The following CCDC149 variants were observed in gnomAD, a reference collection of about 807,000 sequenced individuals.
CCDC149 encodes the protein coiled-coil domain-containing protein 149.
A neutral mutation model predicts 59.9 loss-of-function variants in CCDC149; 45 were observed. The ratio of observed to expected loss-of-function variants is 0.75; its 90% CI spans 0.59 to 0.96. The LOEUF is 0.96. CCDC149 is among the 40% of genes least tolerant of loss of function. The probability of loss-of-function intolerance (pLI) is 0.00; values close to 1 mark genes in which losing one functional copy is unlikely to be tolerated. For missense variants in CCDC149, 584 were observed against 664.7 expected (o/e 0.88, Z 1.33); for synonymous variants, 245 against 260.6 (o/e 0.94, Z 0.58).
At chr4:24,952,888 T>C (rs1723357875) in intron 1 of CCDC149, among the ~76,000 whole-genome samples, 1 of 151,832 alleles carries the variant, frequency 6.6e-6, no homozygotes, top group African/African-American at 2.4e-5. Flanking sequence ...TTTCTATAAA[T>C]TTGGCTACTT....
At chr4:24,969,863 C>A (rs1174441448) in intron 1 of CCDC149, among the ~76,000 whole-genome samples, 1 of 152,220 alleles carries the variant, frequency 6.6e-6, no homozygotes, top group Non-Finnish European at 1.5e-5. Flanking sequence ...TGGGGGAGGG[C>A]CTACAGTGTG....
chr4:24,965,078 T>C (rs1241111536), intron 1 of CCDC149, among the ~76,000 whole-genome samples: 1 of 151,256 alleles, frequency 6.6e-6, no homozygotes, highest in Non-Finnish European at 1.5e-5. Flanking sequence ...AAGAAAATGA[T>C]AATAGAAGAC....
chr4:24,848,709 GA>G (rs370612834), intron 4 of CCDC149, among the ~76,000 whole-genome samples: 57 of 150,034 alleles, frequency 3.8e-4, no homozygotes, highest in East Asian at 3.7e-3. Context: ...TCGACTTAAG[GA>G]AAAAAAAAAT....
intron 4 of CCDC149, among the ~76,000 whole-genome samples, chr4:24,845,414 T>TA (rs1717224462): frequency 1.3e-5 from 2 of 152,232 alleles, no homozygotes; most frequent in African/African-American, 4.8e-5. Flanking sequence ...TTTAGTTTTT[T>TA]ACTTAGCACG....
intron 2 of CCDC149, among the ~76,000 whole-genome samples, chr4:24,875,044 C>T (rs1719322985): frequency 1.3e-5 from 2 of 152,188 alleles, no homozygotes; most frequent in Admixed American, 6.5e-5. Flanking sequence ...CACGGTGGCT[C>T]ATGCCTGTAA....
chr4:24,848,335 C>T (rs1717440532), intron 4 of CCDC149, among the ~76,000 whole-genome samples: 2 of 152,190 alleles, frequency 1.3e-5, no homozygotes, highest in Admixed American at 1.3e-4. Flanking sequence ...CTTTGGGATG[C>T]CGAGGTGGGT....
At chr4:24,839,281 G>A (rs537577714) in intron 4 of CCDC149, among the ~76,000 whole-genome samples, 4 of 151,636 alleles carry the variant, frequency 2.6e-5, no homozygotes, top group South Asian at 4.2e-4. Flanking sequence ...CTGGGTTCAC[G>A]CCATCCTCCT....
At chr4:24,949,437 A>AGGGGGGGG (rs1723210826) in intron 1 of CCDC149, among the ~76,000 whole-genome samples, 3 of 132,370 alleles carry the variant, frequency 2.3e-5, no homozygotes, top group African/African-American at 2.9e-5. Context: ...TAGTGGTGGC[A>AGGGGGGGG]GGGAGGGGGG....
intron 3 of CCDC149, among the ~76,000 whole-genome samples, chr4:24,867,879 GAA>G (rs1168909246): frequency 6.6e-6 from 1 of 152,200 alleles, no homozygotes; most frequent in South Asian, 2.1e-4. Context: ...GTCAAGAAAC[GAA>G]AGTCACAGCT....
rs1003768853 is a variant in CCDC149, at chr4:24,912,752, C to A, written c.63+65G>T. ...CCTCCCAGCTCGGCCTCTCTGGGGG[C>A]GCGGGCCCGGGGCTGGCGGCCGCTC... is the stretch of plus-strand genomic sequence containing the variant. On this transcript the variant is annotated intron_variant, in intron 1 of 12. Transcript: ENST00000635206. 6 of 1,134,888 alleles carry A rather than the reference C, an allele frequency of 5.3e-6. No individual in the cohort carries two copies. In the Admixed American group the frequency reaches 1.9e-4, roughly 36 times the overall value. 70.3% of individuals were successfully genotyped at this position (1,134,888 alleles called of 1,614,324 possible).
At chr4:24,812,378 C>G (rs1714674202) in intron 12 of CCDC149, among the ~76,000 whole-genome samples, 1 of 152,202 alleles carries the variant, frequency 6.6e-6, no homozygotes, top group African/African-American at 2.4e-5. Flanking sequence ...ATCACATGAC[C>G]TTAATTCCTG....
chr4:24,866,244 A>G (rs1036549471), intron 3 of CCDC149, among the ~76,000 whole-genome samples: 15 of 152,260 alleles, frequency 9.9e-5, no homozygotes, highest in African/African-American at 3.6e-4. Context: ...ACTTTTTAGA[A>G]GCAAGAAGGC....
chr4:24,901,319 C>G (rs1403601653), intron 1 of CCDC149, among the ~76,000 whole-genome samples: 1 of 56,666 alleles, frequency 1.8e-5, no homozygotes, highest in Non-Finnish European at 7.1e-5. Flanking sequence ...TACTAAAGCC[C>G]CAGTATGGTT....
chr4:24,975,907 G>A (rs139967105), intron 1 of CCDC149, among the ~76,000 whole-genome samples: 3 of 151,808 alleles, frequency 2.0e-5, no homozygotes, highest in African/African-American at 7.3e-5. Flanking sequence ...GAAGGGCAAA[G>A]TCTGTGTTCC....
downstream of CCDC149, among the ~76,000 whole-genome samples, chr4:24,805,346 C>T (rs1258946021): frequency 6.6e-6 from 1 of 152,186 alleles, no homozygotes; most frequent in Non-Finnish European, 1.5e-5. Flanking sequence ...CAGAAAGATG[C>T]CAGGGAGGGG....
rs964401558 is a variant in CCDC149, at chr4:24,808,306, G to A, written c.*83C>T. ...ACTCGGAGGTATTTCAGGAGAAGGC[G>A]ACGTGAGCGCACCATTCCGATGCTT... is the stretch of plus-strand genomic sequence containing the variant. On this transcript the variant is annotated 3_prime_UTR_variant, in exon 13 of 13. Transcript: ENST00000635206. The A allele has an allele frequency of 2.0e-5, 25 of 1,271,056 alleles. No individual in the cohort carries two copies. The highest frequency in any genetic ancestry group is 3.5e-5 in the Admixed American group (1 of 28,730). The allele number at this position is 1,271,056 out of a possible 1,614,324, so 78.7% of individuals were successfully genotyped here. A position where few individuals can be genotyped will look rare whatever the true frequency, so the allele number is the denominator to read the frequency against.
chr4:24,912,677 G>C (rs1721948284), intron 1 of CCDC149, 140 bp downstream of exon 1: 1 of 422,364 alleles, frequency 2.4e-6, no homozygotes, highest in Non-Finnish European at 3.5e-6. Context: ...TGGCGGGGTC[G>C]CGCGGGTGCG....
chr4:24,874,244 G>GTGTTTTTTTTTTTTT (rs1719240939), intron 2 of CCDC149, among the ~76,000 whole-genome samples: 1 of 87,488 alleles, frequency 1.1e-5, no homozygotes, highest in African/African-American at 5.8e-5. Flanking sequence ...TATTAGATTT[G>GTGTTTTTTTTTTTTT]TTTTTTTTTT....
chr4:24,869,567 A>G (rs1251180092), intron 3 of CCDC149, among the ~76,000 whole-genome samples: 1 of 152,188 alleles, frequency 6.6e-6, no homozygotes, highest in Non-Finnish European at 1.5e-5. Flanking sequence ...GCTGGACAGA[A>G]TCAACCTGCT....
Sources: gnomAD v4.1 joint callset for allele counts (sites outside exome capture counted in the v4.1 genomes callset) on GRCh38, gnomAD v4.1.1 for gene constraint, MANE v1.5 for transcripts, NCBI Gene and HGNC (gene_info 2026-07-23, HGNC 2026-07-21) for gene names.